The following WDR72 variants were observed in gnomAD, a reference collection of about 807,000 sequenced individuals.
The protein encoded by WDR72 is WD repeat domain 72, also known as WD repeat-containing protein 72.
Under a neutral mutation model 124.2 loss-of-function variants are expected in WDR72, and 120 were observed. The ratio of observed to expected loss-of-function variants is 0.97; its 90% CI spans 0.83 to 1.12. The LOEUF (loss-of-function observed/expected upper bound fraction) is 1.12, where lower values mean the gene tolerates loss of function less well. WDR72 is among the 50% of genes most tolerant of loss of function. The pLI is 0.00. For synonymous variants in WDR72, 452 were observed against 441.7 expected (o/e 1.02, Z -0.29); for missense variants, 1,387 against 1,278.8 (o/e 1.08, Z -1.29).
intron 13 of WDR72, among the ~76,000 whole-genome samples, chr15:53,697,123 C>G (rs532656889): frequency 3.9e-5 from 6 of 152,324 alleles, no homozygotes; most frequent in South Asian, 4.1e-4. Flanking sequence ...CCTATGCATA[C>G]TGTTTGATAC....
In WDR72 at chr15:53,757,088, A is replaced by T. The variant is rs114853846; in HGVS notation, c.-13+2545T>A. On this transcript the variant is annotated intron_variant, in intron 1 of 19. Coordinates refer to ENST00000360509, the MANE Select transcript of WDR72 (RefSeq NM_182758.4). ...GAAGATAAACGTGACACATGTAAAT[A>T]AAGAAACTCCTGGGTCCCCAAAGTT... 8.2e-3 allele frequency among the ~76,000 whole-genome samples: 1,248 copies of T among 152,300 alleles called. 15 individuals carry two copies. Among genetic ancestry groups the T allele is most frequent in the African/African-American group, 0.028 (1,174 of 41,552 alleles).
intron 14 of WDR72, among the ~76,000 whole-genome samples, chr15:53,643,300 AAATT>A (rs139765916): frequency 0.031 from 4,666 of 152,218 alleles, 91 homozygotes; most frequent in Non-Finnish European, 0.036. Flanking sequence ...TTCCAGCAGC[AAATT>A]AATTAATTAG....
intron 17 of WDR72, among the ~76,000 whole-genome samples, chr15:53,598,762 T>C (rs1028648124): frequency 1.7e-4 from 26 of 152,188 alleles, no homozygotes; most frequent in Admixed American, 6.5e-4. Context: ...CATACTAACA[T>C]GAGGTACTGC....
At chr15:53,666,348 A>G (rs1048731452) in intron 13 of WDR72, among the ~76,000 whole-genome samples, 1 of 152,176 alleles carries the variant, frequency 6.6e-6, no homozygotes, top group African/African-American at 2.4e-5. Flanking sequence ...GGGGAAAAAA[A>G]TCCTTTGCCT....
chr15:53,650,143 A>G (rs1367831553), intron 14 of WDR72, among the ~76,000 whole-genome samples: 1 of 152,182 alleles, frequency 6.6e-6, no homozygotes, highest in African/African-American at 2.4e-5. Flanking sequence ...ATGTGATAAC[A>G]TGATGAACCT....
chr15:53,584,054 G>A (rs1299273597), intron 18 of WDR72, among the ~76,000 whole-genome samples: 1 of 151,942 alleles, frequency 6.6e-6, no homozygotes, highest in African/African-American at 2.4e-5. Flanking sequence ...AGTTAAGGAT[G>A]TTTGTAGAGA....
intron 19 of WDR72, among the ~76,000 whole-genome samples, chr15:53,518,129 G>A (rs1055774571): frequency 6.6e-6 from 1 of 151,636 alleles, no homozygotes; most frequent in Non-Finnish European, 1.5e-5. Flanking sequence ...CAGCTTAATT[G>A]TTCTTAGAAA....
chr15:53,521,226 T>C (rs1415569893), intron 19 of WDR72, among the ~76,000 whole-genome samples: 1 of 152,134 alleles, frequency 6.6e-6, no homozygotes, highest in Admixed American at 6.6e-5. Context: ...TGAGCTTATT[T>C]CCAACCCACA....
In WDR72 at chr15:53,733,040, T is replaced by C. The variant is rs758705581; in HGVS notation, c.110A>G (p.Gln37Arg). The C allele has an allele frequency of 9.9e-6, 16 of 1,614,116 alleles. No individual in the cohort carries two copies. Among genetic ancestry groups the C allele is most frequent in the Non-Finnish European group, 1.4e-5 (16 of 1,179,988 alleles). ...ATTCCAGAGACAGAGCTGACCCTCT[T>C]GACTTCCAGTCACAATCGTTCGCTG... The part of the protein sequence containing the change: ...DDQRTIVTGS[Q>R]EGQLCLWNLS... The change falls in exon 2 of 20, where the codon CAA (glutamine) becomes CGA (arginine). Residue 37 changes from glutamine (Q) to arginine (R), a missense_variant. Transcript: ENST00000360509.
Position 53,743,921 on chromosome 15 carries a change from G to T in WDR72, c.-12-10760C>A, listed in dbSNP as rs1271316339. 2.7e-5 allele frequency among the ~76,000 whole-genome samples: 4 copies of T among 150,882 alleles called. No individual in the cohort carries two copies. In the East Asian group the frequency reaches 7.8e-4, roughly 29 times the overall value. On this transcript the variant is annotated intron_variant, in intron 1 of 19. Transcript: ENST00000360509. ...ACCCGGGAGGCGGAGCTTGCAGTGA[G>T]CTGAGATCGCGCCACTGCAGCCCGG...
At chr15:53,665,457 G>C in intron 14 of WDR72, 115 bp downstream of exon 14, 1 of 1,142,158 alleles carries the variant, frequency 8.8e-7, no homozygotes, top group Non-Finnish European at 1.3e-6. Flanking sequence ...AGATGCAGCA[G>C]TCTCTTAGTT....
intron 14 of WDR72, among the ~76,000 whole-genome samples, chr15:53,657,517 C>T (rs2015471582): frequency 6.6e-6 from 1 of 152,058 alleles, no homozygotes; most frequent in East Asian, 1.9e-4. Context: ...AAACTTTTCT[C>T]CACGTTCTAT....
At chr15:53,538,100 T>A (rs572151501) in intron 18 of WDR72, among the ~76,000 whole-genome samples, 9 of 152,294 alleles carry the variant, frequency 5.9e-5, no homozygotes, top group African/African-American at 2.2e-4. Context: ...CTTTTTTAAT[T>A]TTTTGCTGAT....
At chr15:53,678,286 G>A (rs573353508) in intron 13 of WDR72, among the ~76,000 whole-genome samples, 27 of 152,186 alleles carry the variant, frequency 1.8e-4, no homozygotes, top group African/African-American at 5.3e-4. Context: ...GAAGGCTTAC[G>A]AAATAAATGT....
intron 18 of WDR72, among the ~76,000 whole-genome samples, chr15:53,565,473 C>T (rs2140298678): frequency 6.6e-6 from 1 of 151,968 alleles, no homozygotes; most frequent in South Asian, 2.1e-4. Flanking sequence ...GCATATGCAA[C>T]AATGTGCCAA....
chr15:53,519,594 C>T (rs142007480), intron 19 of WDR72, among the ~76,000 whole-genome samples: 1 of 152,234 alleles, frequency 6.6e-6, no homozygotes, highest in Non-Finnish European at 1.5e-5. Flanking sequence ...AGACAAGACA[C>T]TACTCAGAGA....
intron 13 of WDR72, among the ~76,000 whole-genome samples, chr15:53,667,164 C>A (rs1389656833): frequency 6.6e-6 from 1 of 151,912 alleles, no homozygotes; most frequent in Non-Finnish European, 1.5e-5. Context: ...CCAGCCTGGG[C>A]AACATGGTAA....
chr15:53,537,196 A>G (rs1318961868), intron 18 of WDR72, among the ~76,000 whole-genome samples: 2 of 152,102 alleles, frequency 1.3e-5, no homozygotes, highest in Admixed American at 6.6e-5. Flanking sequence ...AAAGCCCATG[A>G]TTGTGTCTGG....
rs1891322895 is a variant in WDR72 at position 53,514,323 on chromosome 15, G to A, written c.*3376C>T. The A allele has an allele frequency of 6.6e-6, 1 of 152,102 alleles. No individual in the cohort carries two copies. Among genetic ancestry groups the A allele is most frequent in the East Asian group, 1.9e-4 (1 of 5,188 alleles). The allele number at this position is 152,102 out of a possible 1,614,324, so 9.4% of individuals were successfully genotyped here. A position where few individuals can be genotyped will look rare whatever the true frequency, so the allele number is the denominator to read the frequency against. ...GAATATAAAATTTAAAAAATTGAAT[G>A]AGTCCACTCTGTGAAAATAAGGCTT... is the stretch of plus-strand genomic sequence containing the variant. On this transcript the variant is annotated 3_prime_UTR_variant, in exon 20 of 20. Transcript: ENST00000360509.
Sources: gnomAD v4.1 joint callset for allele counts (sites outside exome capture counted in the v4.1 genomes callset) on GRCh38, gnomAD v4.1.1 for gene constraint, MANE v1.5 for transcripts, NCBI Gene and HGNC (gene_info 2026-07-23, HGNC 2026-07-21) for gene names.